Variants in RBFOX3 observed in about 807,000 individuals in gnomAD.
RBFOX3 encodes the protein RNA binding fox-1 homolog 3, also known as RNA binding protein fox-1 homolog 3.
A neutral mutation model predicts 48.7 loss-of-function variants in RBFOX3; 17 were observed. The ratio of observed to expected loss-of-function variants is 0.35; its 90% CI spans 0.24 to 0.52. The LOEUF is 0.52. RBFOX3 is among the 20% of genes least tolerant of loss of function. RBFOX3 has a pLI of 0.94. For synonymous variants in RBFOX3, 212 were observed against 209.5 expected, an observed-to-expected ratio of 1.01 and a Z score of -0.10; for missense variants, 382 against 497.5, an observed-to-expected ratio of 0.77 and a Z score of 2.21.
chr17:79,507,323 C>A (rs2083306580), intron 1 of RBFOX3, among the ~76,000 whole-genome samples: 1 of 152,184 alleles, frequency 6.6e-6, no homozygotes. Flanking sequence ...CCTGAAGACC[C>A]CTGTCTCCTC....
chr17:79,565,579 G>A (rs1335057751), intron 1 of RBFOX3, among the ~76,000 whole-genome samples: 1 of 152,090 alleles, frequency 6.6e-6, no homozygotes, highest in Non-Finnish European at 1.5e-5. Flanking sequence ...GACCGCAATT[G>A]ATCCGCCCAC....
chr17:79,479,304 G>A lies in RBFOX3; in HGVS notation c.-175+3150C>T, dbSNP rs2078433093. On this transcript the variant is annotated intron_variant, in intron 2 of 14. Transcript: ENST00000693108. The surrounding 1 kb of genome is among the most constrained non-coding windows in gnomAD (Gnocchi z 5.1). ...CCAGGAGCTCGCGGGGCAGGAGGGT[G>A]TCTACAGGCACACCTGACCTCAGAT... is the stretch of plus-strand genomic sequence containing the variant. Among the ~76,000 whole-genome samples the A allele has an allele frequency of 1.3e-5, 2 of 152,192 alleles. No homozygotes were observed. Among genetic ancestry groups the A allele is most frequent in the Non-Finnish European group, 2.9e-5 (2 of 68,030 alleles).
At chr17:79,095,775 A>C (rs1187949756) in intron 12 of RBFOX3, among the ~76,000 whole-genome samples, 3 of 152,222 alleles carry the variant, frequency 2.0e-5, no homozygotes, top group Non-Finnish European at 4.4e-5. Flanking sequence ...CACAGGACCG[A>C]GGACTGCAGA....
chr17:79,112,915 T>TTGGGGGGGGGGGGGGGGG (rs2032460484), intron 5 of RBFOX3, among the ~76,000 whole-genome samples: 1 of 60,178 alleles, frequency 1.7e-5, no homozygotes, highest in African/African-American at 7.9e-5. Context: ...GGGGGGGGGG[T>TTGGGGGGGGGGGGGGGGG]GGGCTGGGTA....
At chr17:79,466,143 C>T (rs1457955534) in intron 2 of RBFOX3, among the ~76,000 whole-genome samples, 4 of 152,230 alleles carry the variant, frequency 2.6e-5, no homozygotes, top group Admixed American at 1.3e-4. Context: ...TTTTCTACCC[C>T]GTGGGGCTGG....
At position 79,198,783 on chromosome 17, in the gene RBFOX3, A is replaced by G. The variant is rs1229269084; in HGVS notation, c.-34+36983T>C. On this transcript the variant is annotated intron_variant, in intron 4 of 14. Transcript: ENST00000693108. The surrounding 1 kb of genome is among the most constrained non-coding windows in gnomAD (Gnocchi z 8.2). ...TGGGATTATAGGCATGTGCCACCAC[A>G]CCCAGCTAATTTTTTTTGTACTTTT... Among the ~76,000 whole-genome samples the G allele has an allele frequency of 6.6e-6, 1 of 151,804 alleles. No homozygotes were observed. The highest frequency in any genetic ancestry group is 1.5e-5 in the Non-Finnish European group (1 of 67,986).
intron 3 of RBFOX3, among the ~76,000 whole-genome samples, chr17:79,239,503 G>C (rs147238063): frequency 0.017 from 2,557 of 152,310 alleles, 28 homozygotes; most frequent in Non-Finnish European, 0.026. Flanking sequence ...CCCAGACAGA[G>C]CAAGACCCGC....
At chr17:79,610,500 G>C (rs2093948981) in intron 1 of RBFOX3, among the ~76,000 whole-genome samples, 2 of 152,010 alleles carry the variant, frequency 1.3e-5, no homozygotes, top group South Asian at 4.2e-4. Context: ...CCGCCACGCA[G>C]CGCGCGGGAC....
At chr17:79,637,577 C>G in the RBFOX3 span, among the ~76,000 whole-genome samples, 1 of 151,818 alleles carries the variant, frequency 6.6e-6, no homozygotes, top group African/African-American at 2.4e-5. Context: ...CACCTGTAAT[C>G]CCAGCTACTC....
intron 4 of RBFOX3, among the ~76,000 whole-genome samples, chr17:79,135,690 C>T (rs946847374): frequency 3.3e-5 from 5 of 152,202 alleles, no homozygotes; most frequent in Admixed American, 3.3e-4. Context: ...GCCAACCTTT[C>T]CCCAAAGGAC....
intron 1 of RBFOX3, among the ~76,000 whole-genome samples, chr17:79,586,626 C>A (rs1224575706): frequency 6.6e-6 from 1 of 152,204 alleles, no homozygotes; most frequent in Non-Finnish European, 1.5e-5. Context: ...TCTGGTAGGG[C>A]TTGTAATTGA....
At chr17:79,424,960 G>A (rs1487441666) in intron 2 of RBFOX3, among the ~76,000 whole-genome samples, 1 of 152,140 alleles carries the variant, frequency 6.6e-6, no homozygotes, top group Non-Finnish European at 1.5e-5. Flanking sequence ...CTGACACCCT[G>A]GGCCAGCCCC....
chr17:79,284,511 TG>T (rs1304321459), intron 3 of RBFOX3, among the ~76,000 whole-genome samples: 2 of 148,246 alleles, frequency 1.3e-5, no homozygotes, highest in African/African-American at 5.0e-5. Flanking sequence ...CACAAGGAGA[TG>T]GCTGGAAGCA....
intron 2 of RBFOX3, among the ~76,000 whole-genome samples, chr17:79,352,384 A>T (rs145460511): frequency 8.5e-5 from 13 of 152,264 alleles, no homozygotes; most frequent in African/African-American, 3.1e-4. Flanking sequence ...CATGATTGTA[A>T]GTTTCTGAGG....
At chr17:79,416,150 G>A (rs540504923) in intron 2 of RBFOX3, among the ~76,000 whole-genome samples, 224 of 152,340 alleles carry the variant, frequency 1.5e-3, no homozygotes, top group African/African-American at 4.9e-3. Context: ...AAGGCCAAGG[G>A]CTGCCACCTG....
Position 79,604,427 on chromosome 17 carries a change from G to A in RBFOX3, c.-320+6399C>T, listed in dbSNP as rs891237664. 1.3e-3 allele frequency among the ~76,000 whole-genome samples: 196 copies of A among 149,102 alleles called. No individual in the cohort carries two copies. The East Asian group carries it at 0.027, about 21-fold the overall frequency. On this transcript the variant is annotated intron_variant, in intron 1 of 14. Transcript: ENST00000693108. ...CATTAAAAAGTCATCCTCACACCTCGCTGCTGAAAACAAAAAGCTACAAAG... is the reference window on the plus strand; with the variant it reads ...CATTAAAAAGTCATCCTCACACCTCACTGCTGAAAACAAAAAGCTACAAAG...
the RBFOX3 span, among the ~76,000 whole-genome samples, chr17:79,630,290 G>A: frequency 6.6e-6 from 1 of 152,222 alleles, no homozygotes; most frequent in African/African-American, 2.4e-5. Flanking sequence ...GGCCAAGCAT[G>A]CAGCACCTCC....
chr17:79,618,585 C>T, the RBFOX3 span, among the ~76,000 whole-genome samples: 1 of 152,152 alleles, frequency 6.6e-6, no homozygotes, highest in Admixed American at 6.5e-5. Context: ...CAGCAAAAGT[C>T]ATGAACAGAA....
At chr17:79,375,290 G>C (rs1598428273) in intron 2 of RBFOX3, among the ~76,000 whole-genome samples, 4 of 151,886 alleles carry the variant, frequency 2.6e-5, no homozygotes, top group East Asian at 3.9e-4. Context: ...CTTGTGGAAG[G>C]CTGGATGGGT....
Sources: gnomAD v4.1 joint callset for allele counts (sites outside exome capture counted in the v4.1 genomes callset) on GRCh38, gnomAD v4.1.1 for gene constraint, Gnocchi (gnomAD v3.1) non-coding constraint, MANE v1.5 for transcripts, NCBI Gene and HGNC (gene_info 2026-07-23, HGNC 2026-07-21) for gene names.